XKR6: variants seen among roughly 807,000 people sequenced by gnomAD.
XKR6 encodes the protein XK-related protein 6.
Under a neutral mutation model 56.7 loss-of-function variants are expected in XKR6, and 22 were observed. The observed-to-expected ratio is 0.39, with a 90% CI of 0.28 to 0.55. XKR6 has a LOEUF of 0.55. XKR6 is among the 20% of genes least tolerant of loss of function. The pLI is 0.66. For synonymous variants in XKR6, 524 were observed against 387.8 expected (o/e 1.35, Z -4.13); for missense variants, 852 against 889.0 (o/e 0.96, Z 0.53).
At chr8:11,016,326 G>C (rs1798621459) in intron 1 of XKR6, among the ~76,000 whole-genome samples, 1 of 152,306 alleles carries the variant, frequency 6.6e-6, no homozygotes, top group South Asian at 2.1e-4. Flanking sequence ...CAGCGCGACG[G>C]CTGCGGGCGA....
At chr8:10,902,662 T>A (rs923433175) in intron 2 of XKR6, among the ~76,000 whole-genome samples, 1 of 152,184 alleles carries the variant, frequency 6.6e-6, no homozygotes, top group Non-Finnish European at 1.5e-5. Context: ...CCAGGCCATA[T>A]CCTTGACACT....
intron 1 of XKR6, among the ~76,000 whole-genome samples, chr8:11,177,947 G>A (rs934723374): frequency 6.6e-6 from 1 of 152,194 alleles, no homozygotes; most frequent in African/African-American, 2.4e-5. Flanking sequence ...GCCCCTTTCT[G>A]ACATGGAAAG....
intron 2 of XKR6, among the ~76,000 whole-genome samples, chr8:10,922,499 C>A (rs767444560): frequency 2.0e-5 from 3 of 152,244 alleles, no homozygotes; most frequent in Non-Finnish European, 4.4e-5. Flanking sequence ...AGCAAGAATG[C>A]GCATTTCAAA....
rs180984721 is a variant in XKR6 at position 10,896,713 on chromosome 8, T to A, written c.*1239A>T. ...ATGGGTCAGTTATTACAATTTTGAC[T>A]TTTTATATATATGTATATATATATA... On this transcript the variant is annotated 3_prime_UTR_variant, in exon 3 of 3. Coordinates refer to ENST00000416569, the MANE Select transcript of XKR6 (RefSeq NM_173683.4). The A allele has an allele frequency of 3.3e-5, 5 of 151,970 alleles. No individual in the cohort carries two copies. The highest frequency in any genetic ancestry group is 1.2e-4 in the African/African-American group (5 of 41,378). The allele number at this position is 151,970 out of a possible 1,614,324, so 9.4% of individuals were successfully genotyped here. A position where few individuals can be genotyped will look rare whatever the true frequency, so the allele number is the denominator to read the frequency against.
intron 1 of XKR6, among the ~76,000 whole-genome samples, chr8:11,157,586 G>C (rs572797623): frequency 6.6e-6 from 1 of 152,242 alleles, no homozygotes; most frequent in East Asian, 1.9e-4. Flanking sequence ...CGTGATCATA[G>C]CTCACTGCAG....
chr8:10,983,094 C>T (rs1197695017), intron 1 of XKR6, among the ~76,000 whole-genome samples: 2 of 151,968 alleles, frequency 1.3e-5, no homozygotes, highest in Non-Finnish European at 2.9e-5. Flanking sequence ...AAAATATTCT[C>T]AGAGTGGATC....
chr8:11,131,658 C>T (rs1160292486), intron 1 of XKR6, among the ~76,000 whole-genome samples: 3 of 152,182 alleles, frequency 2.0e-5, no homozygotes, highest in Non-Finnish European at 4.4e-5. Context: ...TCATGCAACA[C>T]ATTCACAACA....
At chr8:10,941,450 G>C (rs1355871298) in intron 1 of XKR6, among the ~76,000 whole-genome samples, 1 of 152,232 alleles carries the variant, frequency 6.6e-6, no homozygotes, top group Non-Finnish European at 1.5e-5. Flanking sequence ...GCATCCAGCT[G>C]GGTCTGCTGA....
chr8:11,184,429 CATTT>C (rs1483018368), intron 1 of XKR6, among the ~76,000 whole-genome samples: 1 of 150,810 alleles, frequency 6.6e-6, no homozygotes, highest in African/African-American at 2.4e-5. Context: ...ACTTATATTA[CATTT>C]ATTAGTAACC....
At chr8:11,080,554 T>C (rs1797680060) in intron 1 of XKR6, among the ~76,000 whole-genome samples, 1 of 151,626 alleles carries the variant, frequency 6.6e-6, no homozygotes, top group South Asian at 2.1e-4. Flanking sequence ...CTGCTGTGAG[T>C]CTGTCCCCAG....
intron 1 of XKR6, among the ~76,000 whole-genome samples, chr8:11,063,295 A>C (rs73543365): frequency 0.057 from 8,646 of 151,970 alleles, 862 homozygotes; most frequent in African/African-American, 0.2. Flanking sequence ...TCAAAGTTAA[A>C]AAAATGTAAA....
intron 1 of XKR6, among the ~76,000 whole-genome samples, chr8:10,966,910 C>T (rs1179164542): frequency 2.0e-5 from 3 of 152,110 alleles, no homozygotes; most frequent in Non-Finnish European, 4.4e-5. Flanking sequence ...ATCTCTGGGG[C>T]TAGGTCTTAG....
At chr8:11,045,194 T>G (rs796068188) in intron 1 of XKR6, among the ~76,000 whole-genome samples, 42 of 144,800 alleles carry the variant, frequency 2.9e-4, no homozygotes, top group African/African-American at 1.0e-3. Flanking sequence ...CAAGTGATTC[T>G]CCTGCCTCAG....
At chr8:10,907,687 A>C (rs1202582581) in intron 2 of XKR6, among the ~76,000 whole-genome samples, 1 of 152,210 alleles carries the variant, frequency 6.6e-6, no homozygotes, top group Non-Finnish European at 1.5e-5. Flanking sequence ...CTCCATCCTC[A>C]ACCACAAATT....
chr8:11,103,988 A>T (rs1198003051), intron 1 of XKR6, among the ~76,000 whole-genome samples: 4 of 152,216 alleles, frequency 2.6e-5, no homozygotes, highest in African/African-American at 7.2e-5. Flanking sequence ...TAATACTGCA[A>T]ATGAAGTCCA....
At chr8:11,048,096 C>T (rs973394412) in intron 1 of XKR6, among the ~76,000 whole-genome samples, 18 of 152,104 alleles carry the variant, frequency 1.2e-4, no homozygotes, top group African/African-American at 4.1e-4. Context: ...CTGTATCCTT[C>T]GATCACACAC....
rs189361362 is a variant in XKR6 at position 10,993,107 on chromosome 8, A to G, written c.765-68277T>C. The stretch of plus-strand genomic sequence containing the variant: ...GTGTATCTACATTTATATAAATAGC[A>G]ACCAGAATGGAACACGGAGGGCTTT... On this transcript the variant is annotated intron_variant, in intron 1 of 2. Coordinates refer to ENST00000416569, the MANE Select transcript of XKR6 (RefSeq NM_173683.4). Among the ~76,000 whole-genome samples, 73 of 152,388 alleles carry G rather than the reference A, an allele frequency of 4.8e-4. 2 individuals carry two copies. In the East Asian group the frequency reaches 0.013, roughly 27 times the overall value.
At chr8:11,164,627 C>T (rs1165722521) in intron 1 of XKR6, among the ~76,000 whole-genome samples, 1 of 152,190 alleles carries the variant, frequency 6.6e-6, no homozygotes, top group Non-Finnish European at 1.5e-5. Flanking sequence ...AATAAACAAA[C>T]ACACGCAGAC....
intron 1 of XKR6, among the ~76,000 whole-genome samples, chr8:11,018,158 T>C (rs1753072055): frequency 7.0e-6 from 1 of 142,514 alleles, no homozygotes; most frequent in African/African-American, 2.6e-5. Context: ...CTGACCTGAA[T>C]CCCCCCCACC....
Sources: allele counts gnomAD v4.1 joint callset (sites outside exome capture counted in the v4.1 genomes callset), GRCh38; gene constraint gnomAD v4.1.1; transcripts MANE v1.5; gene names NCBI Gene and HGNC (gene_info 2026-07-23, HGNC 2026-07-21).